LIN54: variants seen among roughly 807,000 people sequenced by gnomAD.
LIN54 encodes protein lin-54 homolog.
In LIN54, 9 loss-of-function variants were observed where a neutral mutation model predicts 78.7. The observed-to-expected ratio is 0.11, with a 90% CI of 0.07 to 0.20. LIN54 has a LOEUF of 0.20. Among genes scored for constraint, LIN54 ranks in the 10% least tolerant of loss-of-function variants. LIN54 has a pLI of 1.00. For synonymous variants in LIN54, 269 were observed against 318.4 expected, an observed-to-expected ratio of 0.84 and a Z score of 1.65; for missense variants, 573 against 889.9, an observed-to-expected ratio of 0.64 and a Z score of 4.53.
Position 82,988,462 on chromosome 4 carries a change from T to C in LIN54, c.-32-3586A>G, listed in dbSNP as rs191039462. Among the ~76,000 whole-genome samples the C allele has an allele frequency of 2.6e-5, 4 of 152,356 alleles. No individual in the cohort carries two copies. In the East Asian group the frequency reaches 7.7e-4, roughly 29 times the overall value. On this transcript the variant is annotated intron_variant, in intron 1 of 12. Transcript: ENST00000340417. ...TTGGACTGTTTCCAGTTTGGAACTA[T>C]GATGAATAATTCTGCTATAAACTGC...
upstream of LIN54, chr4:83,012,863 G>GCGC (rs1729939309): frequency 6.6e-6 from 1 of 151,996 alleles, no homozygotes; most frequent in South Asian, 2.0e-4. Flanking sequence ...GGCGGCGGCG[G>GCGC]CGCCTCCGAG....
intron 11 of LIN54, among the ~76,000 whole-genome samples, chr4:82,933,891 A>G (rs1722172243): frequency 6.6e-6 from 1 of 152,214 alleles, no homozygotes. Flanking sequence ...TTTCAATGCC[A>G]TATACATGAA....
At chr4:82,993,459 C>T (rs1425816928) in intron 1 of LIN54, among the ~76,000 whole-genome samples, 1 of 151,952 alleles carries the variant, frequency 6.6e-6, no homozygotes, top group Non-Finnish European at 1.5e-5. Flanking sequence ...CTCAGGTGAT[C>T]CGCCTGCCTC....
intron 4 of LIN54, among the ~76,000 whole-genome samples, chr4:82,956,831 C>T (rs748612073): frequency 2.0e-5 from 3 of 152,004 alleles, no homozygotes; most frequent in Non-Finnish European, 4.4e-5. Flanking sequence ...CTATGTTGCC[C>T]AGGCTGGTCT....
rs1161726183 is a variant in LIN54, at chr4:82,946,400, C to T, written c.1026G>A (p.Leu342=). 1 of 1,613,982 alleles carries T rather than the reference C, an allele frequency of 6.2e-7. No homozygotes were observed. The highest frequency in any genetic ancestry group is 1.3e-5 in the African/African-American group (1 of 74,904). Residue 342 remains leucine, a synonymous_variant, in exon 5 of 13, where the codon CTG becomes CTA. Coordinates refer to ENST00000340417, the MANE Select transcript of LIN54 (RefSeq NM_194282.4). The part of the protein sequence containing the change: ...STSQFKTIIP[L]ATAPNVQQIQ... ...TCTGCTGGACATTGGGAGCAGTTGC[C>T]AGAGGAATAATTGTCTTAAACTGTG...
At position 82,930,967 on chromosome 4, in the gene LIN54, G is replaced by T. The variant is rs1304146883; in HGVS notation, c.2024C>A (p.Pro675Gln). Residue 675 changes from proline to glutamine, a missense_variant, in exon 12 of 13, where the codon CCA (proline) becomes CAA (glutamine). Around this residue, in one of 6 missense-constraint regions of LIN54, gnomAD observed 82 missense variants for 140.8 expected, o/e 0.58. Coordinates refer to ENST00000340417, the MANE Select transcript of LIN54 (RefSeq NM_194282.4). The stretch of plus-strand genomic sequence containing the variant: ...CTTTCCGCCTCCACTATTTAAAGCT[G>T]GTGTTGGCCTAGTAAGCAAGTCTGA... The part of the protein sequence containing the change: ...QISDLLTRPT[P>Q]ALNSGGGKLP... 1.2e-6 allele frequency: 2 copies of T among 1,613,948 alleles called. No homozygotes were observed. Among genetic ancestry groups the T allele is most frequent in the African/African-American group, 2.7e-5 (2 of 74,920 alleles).
chr4:82,968,307 C>G (rs1217029794), intron 4 of LIN54, among the ~76,000 whole-genome samples: 1 of 151,920 alleles, frequency 6.6e-6, no homozygotes, highest in Non-Finnish European at 1.5e-5. Flanking sequence ...TAAAATCTTG[C>G]CAAGAGTCAA....
Position 82,928,025 on chromosome 4 carries a change from T to G in LIN54, c.*77A>C. The G allele has an allele frequency of 8.1e-7, 1 of 1,233,590 alleles. No homozygotes were observed. Among genetic ancestry groups the G allele is most frequent in the South Asian group, 1.2e-5 (1 of 80,984 alleles). The allele number at this position is 1,233,590 out of a possible 1,614,324, so 76.4% of individuals were successfully genotyped here. A position where few individuals can be genotyped will look rare whatever the true frequency, so the allele number is the denominator to read the frequency against. ...GACTGAATTAAAATACAGTAATTGTTTTTCTTCCAGAAAATCAAGTGTCCC... is the reference window on the plus strand; with the variant it reads ...GACTGAATTAAAATACAGTAATTGTGTTTCTTCCAGAAAATCAAGTGTCCC... On this transcript the variant is annotated 3_prime_UTR_variant, in exon 13 of 13. Coordinates refer to ENST00000340417, the MANE Select transcript of LIN54 (RefSeq NM_194282.4).
At chr4:82,934,267 A>G (rs1722205904) in intron 11 of LIN54, among the ~76,000 whole-genome samples, 1 of 152,164 alleles carries the variant, frequency 6.6e-6, no homozygotes, top group Non-Finnish European at 1.5e-5. Context: ...TTACCTGGGC[A>G]TGGTGGCAGG....
upstream of LIN54, among the ~76,000 whole-genome samples, chr4:83,011,602 A>AC (rs1729857366): frequency 6.6e-6 from 1 of 151,778 alleles, no homozygotes; most frequent in Non-Finnish European, 1.5e-5. Flanking sequence ...TTAAAAAAAA[A>AC]CCATCTGCTG....
chr4:83,004,734 A>G (rs1459675128), intron 1 of LIN54, among the ~76,000 whole-genome samples: 1 of 152,140 alleles, frequency 6.6e-6, no homozygotes, highest in Non-Finnish European at 1.5e-5. Context: ...CGTGGACTCA[A>G]GCTATCCTGC....
chr4:82,939,899 G>C lies in LIN54; in HGVS notation c.1232C>G (p.Ala411Gly). 6.2e-7 allele frequency: 1 copy of C among 1,611,718 alleles called. No homozygotes were observed. The highest frequency in any genetic ancestry group is 8.5e-7 in the Non-Finnish European group (1 of 1,178,962). The change falls in exon 6 of 13, where the codon GCT (alanine) becomes GGT (glycine). Residue 411 changes from alanine to glycine, a missense_variant. Physicochemically the swap from Ala to Gly is moderately conservative, Grantham distance 60. Around this residue, in one of 6 missense-constraint regions of LIN54, gnomAD observed 199 missense variants for 260.9 expected, o/e 0.76. Coordinates refer to ENST00000340417, the MANE Select transcript of LIN54 (RefSeq NM_194282.4). ...TTATGTGATACTTACTTGTTTGACAGCCTGAGCTGAGACAATTGGAACTGA... is the reference window on the plus strand; with the variant it reads ...TTATGTGATACTTACTTGTTTGACACCCTGAGCTGAGACAATTGGAACTGA... ...RMSVPIVSAQ[A>G]VKQVVPKPIN...
At chr4:83,012,399 C>G (rs1729908390), upstream of LIN54, among the ~76,000 whole-genome samples, 1 of 152,080 alleles carries the variant, frequency 6.6e-6, no homozygotes, top group Non-Finnish European at 1.5e-5. Context: ...CAAAATGACA[C>G]AGCAGCAAAA....
At position 82,998,011 on chromosome 4, in the gene LIN54, AATATATAT is replaced by A. The variant is rs1560790141; in HGVS notation, c.-33+12465_-33+12472del. Among the ~76,000 whole-genome samples the A allele has an allele frequency of 2.6e-3, 258 of 99,752 alleles. 5 individuals carry two copies. The highest frequency in any genetic ancestry group is 5.6e-3 in the East Asian group (14 of 2,500). 65.4% of individuals were successfully genotyped at this position (99,752 alleles called of 152,430 possible). A position where few individuals can be genotyped will look rare whatever the true frequency, so the allele number is the denominator to read the frequency against. On this transcript the variant is annotated intron_variant, in intron 1 of 12. Coordinates refer to ENST00000340417, the MANE Select transcript of LIN54 (RefSeq NM_194282.4). ...CTCCATCTCAAAAAAAAAAAATAAT[AATATATAT>A]ATAATAATATATATATATACACACA...
chr4:82,937,100 TTGTA>T, intron 9 of LIN54, 123 bp downstream of exon 9: 1 of 723,258 alleles, frequency 1.4e-6, no homozygotes, highest in Admixed American at 2.1e-5. Flanking sequence ...AAACATTCAT[TTGTA>T]TGTTTATTTA....
chr4:82,956,607 C>T (rs745756619), intron 4 of LIN54, among the ~76,000 whole-genome samples: 7 of 152,064 alleles, frequency 4.6e-5, no homozygotes, highest in Non-Finnish European at 7.4e-5. Context: ...AGAATAAGAC[C>T]GTTTCATTTA....
intron 11 of LIN54, among the ~76,000 whole-genome samples, chr4:82,932,544 C>T (rs898792103): frequency 3.3e-5 from 5 of 150,982 alleles, no homozygotes; most frequent in East Asian, 2.0e-4. Flanking sequence ...TTATGCCAGG[C>T]GCGGTGGCTC....
At chr4:82,931,265 T>C in intron 11 of LIN54, 120 bp from the exon 12 acceptor site, 1 of 730,378 alleles carries the variant, frequency 1.4e-6, no homozygotes, top group South Asian at 1.7e-5. Flanking sequence ...TAAGATTAGA[T>C]GGAAGTATCT....
intron 4 of LIN54, among the ~76,000 whole-genome samples, chr4:82,947,230 TATATA>T (rs1329889692): frequency 0.012 from 468 of 39,894 alleles, 9 homozygotes; most frequent in Middle Eastern, 0.027. Context: ...TATATATATA[TATATA>T]TTTTTTTTTT....
Sources: allele counts gnomAD v4.1 joint callset (sites outside exome capture counted in the v4.1 genomes callset), GRCh38; gene constraint gnomAD v4.1.1; regional missense constraint gnomAD v4.1.1; transcripts MANE v1.5; gene names NCBI Gene and HGNC (gene_info 2026-07-23, HGNC 2026-07-21).